Variants in RUNX1 observed in about 807,000 individuals in gnomAD.
RUNX1 encodes the protein RUNX family transcription factor 1, also known as runt-related transcription factor 1.
Under a neutral mutation model 42.8 loss-of-function variants are expected in RUNX1, and 19 were observed. The ratio of observed to expected loss-of-function variants is 0.44; its 90% CI spans 0.31 to 0.65. The LOEUF (loss-of-function observed/expected upper bound fraction) is 0.65. Ranked by LOEUF, RUNX1 falls within the 30% of genes least tolerant of loss-of-function variation. The probability of loss-of-function intolerance (pLI) is 0.07; values close to 1 mark genes in which losing one functional copy is unlikely to be tolerated. For missense variants in RUNX1, 528 were observed against 672.0 expected, an observed-to-expected ratio of 0.79 and a Z score of 2.37; for synonymous variants, 271 against 289.4, an observed-to-expected ratio of 0.94 and a Z score of 0.64.
chr21:34,992,227 C>A (rs2058949764), intron 2 of RUNX1, among the ~76,000 whole-genome samples: 1 of 152,198 alleles, frequency 6.6e-6, no homozygotes, highest in Non-Finnish European at 1.5e-5. Flanking sequence ...GGCCTGCTTC[C>A]CTGGAAGTTC....
intron 3 of RUNX1, among the ~76,000 whole-genome samples, chr21:34,891,723 A>G (rs1012942): frequency 1.3e-5 from 2 of 151,700 alleles, no homozygotes; most frequent in African/African-American, 4.9e-5. Context: ...AAAAAAAAAT[A>G]CAACGAAGCG....
chr21:34,893,775 T>G (rs915867332), intron 2 of RUNX1, among the ~76,000 whole-genome samples: 6 of 142,682 alleles, frequency 4.2e-5, no homozygotes, highest in African/African-American at 8.8e-5. Flanking sequence ...ATGCTGTTTT[T>G]TTTTTTTTAA....
chr21:35,040,483 C>A (rs745556148), intron 2 of RUNX1, among the ~76,000 whole-genome samples: 60 of 152,174 alleles, frequency 3.9e-4, no homozygotes, highest in African/African-American at 1.4e-3. Context: ...AAAAAACTCA[C>A]CTAGGATGGG....
chr21:34,959,889 A>T (rs553659793), intron 2 of RUNX1, among the ~76,000 whole-genome samples: 70 of 152,182 alleles, frequency 4.6e-4, no homozygotes, highest in Non-Finnish European at 9.0e-4. Flanking sequence ...GCAATTGTGC[A>T]GGGTGGGCAA....
At chr21:35,028,772 G>A (rs1013978044) in intron 2 of RUNX1, among the ~76,000 whole-genome samples, 2 of 152,248 alleles carry the variant, frequency 1.3e-5, no homozygotes, top group South Asian at 2.1e-4. Flanking sequence ...TAAATTTACC[G>A]ATGGCTTATC....
intron 6 of RUNX1, among the ~76,000 whole-genome samples, chr21:34,857,109 C>T (rs1344489802): frequency 6.6e-6 from 1 of 152,164 alleles, no homozygotes; most frequent in African/African-American, 2.4e-5. Context: ...AGACTTTCTA[C>T]CTGGGGCTAT....
chr21:34,935,666 G>A (rs1441509334), intron 2 of RUNX1, among the ~76,000 whole-genome samples: 1 of 151,902 alleles, frequency 6.6e-6, no homozygotes, highest in Non-Finnish European at 1.5e-5. Context: ...CATTGCTGTG[G>A]AGAGCTATGC....
intron 7 of RUNX1, among the ~76,000 whole-genome samples, chr21:34,817,330 A>C (rs994877094): frequency 1.3e-5 from 2 of 152,192 alleles, no homozygotes; most frequent in African/African-American, 4.8e-5. Flanking sequence ...AGGGTGGCTG[A>C]GCTACAAATG....
At chr21:35,047,551 A>ACTCTCTCT (rs2059406909) in intron 2 of RUNX1, among the ~76,000 whole-genome samples, 15 of 95,414 alleles carry the variant, frequency 1.6e-4, no homozygotes, top group South Asian at 3.1e-4. Context: ...ACACACACAC[A>ACTCTCTCT]CACACACACA....
intron 2 of RUNX1, among the ~76,000 whole-genome samples, chr21:34,933,041 T>G (rs1165856066): frequency 1.3e-5 from 2 of 152,226 alleles, no homozygotes; most frequent in African/African-American, 4.8e-5. Context: ...TGAAGTGGTA[T>G]TAAGAGAGTT....
intron 2 of RUNX1, among the ~76,000 whole-genome samples, chr21:34,986,634 C>T (rs2058890028): frequency 6.7e-6 from 1 of 150,146 alleles, no homozygotes; most frequent in African/African-American, 2.5e-5. Flanking sequence ...CACAGGGGTA[C>T]ACAGAGAGAT....
chr21:35,034,946 C>G (rs1285464128), intron 2 of RUNX1, among the ~76,000 whole-genome samples: 2 of 152,210 alleles, frequency 1.3e-5, no homozygotes, highest in Non-Finnish European at 2.9e-5. Context: ...TACTCCCCAC[C>G]TCATCCCAAG....
chr21:35,000,081 G>A (rs1358332109), intron 2 of RUNX1, among the ~76,000 whole-genome samples: 3 of 152,084 alleles, frequency 2.0e-5, no homozygotes, highest in African/African-American at 7.2e-5. Context: ...TAGAACTATG[G>A]ATACAAGGCA....
intron 6 of RUNX1, chr21:34,856,292 C>T (rs1175176754): frequency 4.7e-5 from 24 of 507,940 alleles, no homozygotes; most frequent in East Asian, 1.1e-4. Context: ...TAAGCTTGCA[C>T]GCATACCTCA....
At chr21:34,954,494 A>G (rs2058630915) in intron 2 of RUNX1, among the ~76,000 whole-genome samples, 1 of 152,152 alleles carries the variant, frequency 6.6e-6, no homozygotes, top group Non-Finnish European at 1.5e-5. Flanking sequence ...TCAGGAGCTT[A>G]TGACATATCC....
intron 2 of RUNX1, among the ~76,000 whole-genome samples, chr21:34,941,920 C>T (rs2058530097): frequency 6.6e-6 from 1 of 150,818 alleles, no homozygotes; most frequent in African/African-American, 2.4e-5. Context: ...CTCAGTAATG[C>T]AGAAAACTCC....
chr21:34,995,435 CTTTTTTTTTTTTT>C (rs5843694), intron 2 of RUNX1, among the ~76,000 whole-genome samples: 2 of 82,074 alleles, frequency 2.4e-5, no homozygotes, highest in South Asian at 5.4e-4. Flanking sequence ...TTTCTGGGAG[CTTTTTTTTTTTTT>C]TTTTTTTTTT....
At chr21:34,893,338 C>T (rs770502738) in intron 2 of RUNX1, among the ~76,000 whole-genome samples, 2 of 152,082 alleles carry the variant, frequency 1.3e-5, no homozygotes, top group African/African-American at 2.4e-5. Context: ...CCTAACTTAA[C>T]GCAAAAACAT....
In RUNX1 at chr21:34,791,903, A is replaced by G; in HGVS notation, c.*232T>C. ...ACCCTCGAGGTGCGTCGCCTCGGAC[A>G]CCTCCGCGAGGGCCGGGGCGCCAGC... is the stretch of plus-strand genomic sequence containing the variant. On this transcript the variant is annotated 3_prime_UTR_variant, in exon 9 of 9. Coordinates refer to ENST00000675419, the MANE Select transcript of RUNX1 (RefSeq NM_001754.5). 1 of 284,148 alleles carries G rather than the reference A, an allele frequency of 3.5e-6. No homozygotes were observed. Among genetic ancestry groups the G allele is most frequent in the South Asian group, 8.0e-5 (1 of 12,490 alleles). 17.6% of individuals were successfully genotyped at this position (284,148 alleles called of 1,614,324 possible). A position where few individuals can be genotyped will look rare whatever the true frequency, so the allele number is the denominator to read the frequency against.
Sources: gnomAD v4.1 joint callset for allele counts (sites outside exome capture counted in the v4.1 genomes callset) on GRCh38, gnomAD v4.1.1 for gene constraint, MANE v1.5 for transcripts, NCBI Gene and HGNC (gene_info 2026-07-23, HGNC 2026-07-21) for gene names.